Variants in MAEL observed in about 807,000 individuals in gnomAD.
MAEL encodes maelstrom spermatogenic transposon silencer, also known as protein maelstrom homolog.
A neutral mutation model predicts 62.0 loss-of-function variants in MAEL; 46 were observed. The ratio of observed to expected loss-of-function variants is 0.74; its 90% confidence interval spans 0.59 to 0.95. The LOEUF is 0.95. MAEL is among the 40% of genes least tolerant of loss of function. The pLI is 0.00. For synonymous variants in MAEL, 172 were observed against 175.5 expected, an observed-to-expected ratio of 0.98 and a Z score of 0.16; for missense variants, 497 against 526.8, an observed-to-expected ratio of 0.94 and a Z score of 0.55.
At chr1:166,990,584 G>C (rs1262958444) in intron 2 of MAEL, 1 of 152,080 alleles carries the variant, frequency 6.6e-6, no homozygotes, top group Non-Finnish European at 1.5e-5. Context: ...GCTTGAACCC[G>C]GGAGGCAGAG....
chr1:167,021,297 T>C, intron 11 of MAEL, 137 bp downstream of exon 11: 2 of 671,042 alleles, frequency 3.0e-6, no homozygotes, highest in East Asian at 5.5e-5. Context: ...AGGGTTTTAT[T>C]TGGCATTAGC....
Position 167,022,035 on chromosome 1 carries a change from C to CT in MAEL, c.*187dup, listed in dbSNP as rs1665657224. ...GTTGGAGAGCATCTTGGCATTTGTG[C>CT]TTTTTTTCTTGAGGGATTGTTCTGC... On this transcript the variant is annotated 3_prime_UTR_variant, in exon 12 of 12. Transcript: ENST00000367872. The CT allele has an allele frequency of 1.9e-6, 1 of 526,846 alleles. No individual in the cohort carries two copies. Among genetic ancestry groups the CT allele is most frequent in the South Asian group, 3.1e-5 (1 of 31,782 alleles). The allele number at this position is 526,846 out of a possible 1,614,324, so 32.6% of individuals were successfully genotyped here. A position where few individuals can be genotyped will look rare whatever the true frequency, so the allele number is the denominator to read the frequency against.
At chr1:167,020,253 T>C (rs919707258) in intron 10 of MAEL, among the ~76,000 whole-genome samples, 1 of 152,168 alleles carries the variant, frequency 6.6e-6, no homozygotes, top group African/African-American at 2.4e-5. Flanking sequence ...CTCAGATTCC[T>C]TGGCCTATCT....
rs1324291583 is a variant in MAEL, at chr1:167,021,171, T to C, written c.1117+11T>C. On this transcript the variant is annotated intron_variant, in intron 11 of 11. Transcript: ENST00000367872. ...CAAACACACCCATTGGTAAGCAACTTATATTTTACAAAAATGCACCTAAAG... is the reference window on the plus strand; with the variant it reads ...CAAACACACCCATTGGTAAGCAACTCATATTTTACAAAAATGCACCTAAAG... 6.3e-7 allele frequency: 1 copy of C among 1,596,190 alleles called. No homozygotes were observed. The highest frequency in any genetic ancestry group is 8.6e-7 in the Non-Finnish European group (1 of 1,164,786).
In MAEL at chr1:167,015,168, G is replaced by T. The variant is rs528732736; in HGVS notation, c.846-1054G>T. On this transcript the variant is annotated intron_variant, in intron 8 of 11. Coordinates refer to ENST00000367872, the MANE Select transcript of MAEL (RefSeq NM_032858.3). ...GTGTATAGAAAGGCAGAGTACTTTAGAGAGTACTATGCCCAGCCAGTTTAG... is the reference window on the plus strand; with the variant it reads ...GTGTATAGAAAGGCAGAGTACTTTATAGAGTACTATGCCCAGCCAGTTTAG... Among the ~76,000 whole-genome samples the T allele has an allele frequency of 2.3e-3, 345 of 152,188 alleles. 4 individuals carry two copies. Among genetic ancestry groups the T allele is most frequent in the African/African-American group, 7.9e-3 (329 of 41,540 alleles).
In MAEL at chr1:167,020,578, G is replaced by C. The variant is rs951003654; in HGVS notation, c.1042-507G>C. Among the ~76,000 whole-genome samples, 6 of 151,980 alleles carry C rather than the reference G, an allele frequency of 3.9e-5. No homozygotes were observed. The East Asian group carries it at 9.6e-4, about 24-fold the overall frequency. On this transcript the variant is annotated intron_variant, in intron 10 of 11. Coordinates refer to ENST00000367872, the MANE Select transcript of MAEL (RefSeq NM_032858.3). ...CATCTCTTCCCTCACCTTTGCTCTAGCTGATTCCTTTGCCTCCTACTTCTC... is the reference window on the plus strand; with the variant it reads ...CATCTCTTCCCTCACCTTTGCTCTACCTGATTCCTTTGCCTCCTACTTCTC...
Position 167,021,836 on chromosome 1 carries a change from C to A in MAEL, c.1286C>A (p.Ser429Tyr). ...PYMSQKDGYK[S>Y]FSSLS The stretch of plus-strand genomic sequence containing the variant: ...ATGTCCCAAAAAGATGGATACAAAT[C>A]TTTCTCTTCCTTATCTTAATGATGG... The change falls in exon 12 of 12, where the codon TCT becomes TAT. Residue 429 changes from serine (S) to tyrosine (Y), a missense_variant. Coordinates refer to ENST00000367872, the MANE Select transcript of MAEL (RefSeq NM_032858.3). 1 of 1,606,976 alleles carries A rather than the reference C, an allele frequency of 6.2e-7. No individual in the cohort carries two copies. The highest frequency in any genetic ancestry group is 2.2e-5 in the East Asian group (1 of 44,806).
At chr1:167,020,145 T>G (rs576324644) in intron 10 of MAEL, among the ~76,000 whole-genome samples, 81 of 152,184 alleles carry the variant, frequency 5.3e-4, no homozygotes, top group Non-Finnish European at 9.3e-4. Context: ...GCCACTTCAT[T>G]GCACAACTCC....
At chr1:167,015,783 A>G (rs970094427) in intron 8 of MAEL, among the ~76,000 whole-genome samples, 2 of 152,004 alleles carry the variant, frequency 1.3e-5, no homozygotes, top group East Asian at 1.9e-4. Context: ...AACTTTCCCA[A>G]TTTTCCAATT....
chr1:166,992,615 A>G (rs1338879885), intron 3 of MAEL, 71 bp from the exon 4 acceptor site: 26 of 1,177,470 alleles, frequency 2.2e-5, no homozygotes, highest in Non-Finnish European at 3.0e-5. Context: ...CCCTTCAACT[A>G]AAGAGGCTTT....
chr1:166,999,533 CAT>C (rs1316067170), intron 5 of MAEL, among the ~76,000 whole-genome samples: 1 of 152,188 alleles, frequency 6.6e-6, no homozygotes, highest in Non-Finnish European at 1.5e-5. Flanking sequence ...GGAAAGAAGC[CAT>C]CTCTATAACA....
upstream of MAEL, among the ~76,000 whole-genome samples, chr1:166,985,804 C>T (rs1663895963): frequency 6.6e-6 from 1 of 152,090 alleles, no homozygotes; most frequent in Admixed American, 6.5e-5. Flanking sequence ...AGCAGGACAA[C>T]ATAATCCATA....
chr1:166,996,837 C>CT (rs1314194357), intron 5 of MAEL, among the ~76,000 whole-genome samples: 2 of 151,998 alleles, frequency 1.3e-5, no homozygotes, highest in African/African-American at 4.8e-5. Flanking sequence ...CACATTTTTT[C>CT]TTTTTTTAAG....
intron 4 of MAEL, 26 bp downstream of exon 4, chr1:166,992,867 T>C: frequency 6.5e-7 from 1 of 1,534,908 alleles, no homozygotes; most frequent in Admixed American, 2.4e-5. Context: ...AGATGCTAGA[T>C]CTTAAACGTG....
At chr1:167,006,634 T>TATATAC (rs1405467972) in intron 8 of MAEL, among the ~76,000 whole-genome samples, 10 of 93,128 alleles carry the variant, frequency 1.1e-4, no homozygotes, top group Non-Finnish European at 1.7e-4. Context: ...TATATATATA[T>TATATAC]ATACATTTTT....
At position 166,989,469 on chromosome 1, in the gene MAEL, C is replaced by T. The variant is rs1168905023; in HGVS notation, c.117C>T (p.Cys39=). 6.3e-7 allele frequency: 1 copy of T among 1,586,420 alleles called. No homozygotes were observed. Among genetic ancestry groups the T allele is most frequent in the Non-Finnish European group, 8.6e-7 (1 of 1,166,526 alleles). Residue 39 remains cysteine (C), a synonymous_variant, in exon 1 of 12, where the codon TGC becomes TGT. Transcript: ENST00000367872. The part of the protein sequence containing the change: ...VARVADAIPY[C]SSDWALLREE... ...GCGTTGCTGATGCCATCCCTTACTGCTCCTCAGACTGGGCGGTAAGGCTGG... is the reference window on the plus strand; with the variant it reads ...GCGTTGCTGATGCCATCCCTTACTGTTCCTCAGACTGGGCGGTAAGGCTGG...
intron 10 of MAEL, among the ~76,000 whole-genome samples, chr1:167,020,662 G>T (rs1665586780): frequency 6.6e-6 from 1 of 152,036 alleles, no homozygotes; most frequent in Admixed American, 6.5e-5. Flanking sequence ...TCATCTACGT[G>T]CATCTACCAT....
chr1:166,986,613 A>T (rs972729811), upstream of MAEL, among the ~76,000 whole-genome samples: 1 of 152,218 alleles, frequency 6.6e-6, no homozygotes, highest in Non-Finnish European at 1.5e-5. Context: ...TAACTTTAAA[A>T]CCAGTGGAAG....
At chr1:166,995,030 G>A (rs995288373) in intron 5 of MAEL, among the ~76,000 whole-genome samples, 11 of 140,718 alleles carry the variant, frequency 7.8e-5, no homozygotes, top group African/African-American at 2.9e-4. Context: ...CTCTAGAAGT[G>A]TTTGAAATTA....
Sources: allele counts gnomAD v4.1 joint callset (sites outside exome capture counted in the v4.1 genomes callset), GRCh38; gene constraint gnomAD v4.1.1; transcripts MANE v1.5; gene names NCBI Gene and HGNC (gene_info 2026-07-23, HGNC 2026-07-21).